The following NXPE4 variants were observed in gnomAD, a reference collection of about 807,000 sequenced individuals.
NXPE4 encodes neurexophilin and PC-esterase domain family member 4.
NXPE4 carries 42 observed loss-of-function variants against 33.3 expected under a neutral mutation model. The observed-to-expected ratio is 1.26, with a 90% CI of 0.98 to 1.63. NXPE4 has a LOEUF of 1.63. Among genes scored for constraint, NXPE4 ranks in the 40% most tolerant of loss-of-function variants. The pLI is 0.00. For missense variants in NXPE4, 709 were observed against 647.6 expected (o/e 1.09, Z -1.03); for synonymous variants, 253 against 234.9 (o/e 1.08, Z -0.71).
the NXPE4 span, among the ~76,000 whole-genome samples, chr11:114,635,655 T>G: frequency 3.9e-5 from 6 of 152,052 alleles, no homozygotes; most frequent in East Asian, 1.2e-3. Context: ...ACCTAATTTA[T>G]TGAGAGTTTT....
At chr11:114,611,666 C>A in the NXPE4 span, among the ~76,000 whole-genome samples, 42 of 134,206 alleles carry the variant, frequency 3.1e-4, no homozygotes, top group East Asian at 5.1e-3. Context: ...GTGGATAATA[C>A]GTGTTGCCTC....
At chr11:114,578,587 C>T (rs1949066948) in intron 5 of NXPE4, among the ~76,000 whole-genome samples, 1 of 152,144 alleles carries the variant, frequency 6.6e-6, no homozygotes, top group Admixed American at 6.5e-5. Flanking sequence ...TACCAATTTT[C>T]CCACTTTCAT....
the NXPE4 span, among the ~76,000 whole-genome samples, chr11:114,602,332 A>G: frequency 7.2e-4 from 88 of 122,068 alleles, no homozygotes; most frequent in Admixed American, 2.0e-3. Flanking sequence ...TACTATATAT[A>G]TGTTATCTAT....
the NXPE4 span, among the ~76,000 whole-genome samples, chr11:114,648,621 G>A: frequency 6.6e-6 from 1 of 152,092 alleles, no homozygotes; most frequent in African/African-American, 2.4e-5. Flanking sequence ...TAATCATCGT[G>A]TCTACACTTG....
intron 4 of NXPE4, among the ~76,000 whole-genome samples, chr11:114,581,409 G>A (rs1331831842): frequency 6.6e-6 from 1 of 152,134 alleles, no homozygotes; most frequent in African/African-American, 2.4e-5. Flanking sequence ...GAAGAGAGGT[G>A]TTGTGGTGAG....
chr11:114,632,394 T>A, the NXPE4 span, among the ~76,000 whole-genome samples: 1 of 132,932 alleles, frequency 7.5e-6, no homozygotes, highest in Non-Finnish European at 1.5e-5. Context: ...GATATAAATA[T>A]AAATATACAT....
chr11:114,580,888 A>C (rs1949129796), intron 4 of NXPE4, among the ~76,000 whole-genome samples: 2 of 152,210 alleles, frequency 1.3e-5, no homozygotes, highest in African/African-American at 2.4e-5. Flanking sequence ...CCCCTCAGTC[A>C]CTGGTTTAGA....
chr11:114,571,239 T>C lies in NXPE4; in HGVS notation c.1334A>G (p.Asp445Gly), dbSNP rs202233557. 1.2e-6 allele frequency: 2 copies of C among 1,614,022 alleles called. No individual in the cohort carries two copies. Among genetic ancestry groups the C allele is most frequent in the East Asian group, 2.2e-5 (1 of 44,882 alleles). ...LGQHFRPFPI[D>G]VFIRRALNVH... Reference sequence around the variant, plus strand: ...ATTGAGGGCCCTTCGGATAAAAACATCAATGGGAAAGGGTCTGAAATGCTG... The same window carrying C: ...ATTGAGGGCCCTTCGGATAAAAACACCAATGGGAAAGGGTCTGAAATGCTG... The change falls in exon 6 of 6, where the codon GAT becomes GGT. Residue 445 changes from aspartate to glycine, a missense_variant. Coordinates refer to ENST00000375478, the MANE Select transcript of NXPE4 (RefSeq NM_001077639.2).
intron 4 of NXPE4, 134 bp from the exon 5 acceptor site, chr11:114,580,472 G>A (rs999799336): frequency 1.5e-6 from 1 of 685,548 alleles, no homozygotes; most frequent in East Asian, 2.7e-5. Context: ...TATTACTGAA[G>A]TATTCTCTTA....
chr11:114,651,418 C>T, the NXPE4 span, among the ~76,000 whole-genome samples: 2 of 152,060 alleles, frequency 1.3e-5, no homozygotes, highest in African/African-American at 2.4e-5. Flanking sequence ...AAGCTGCAAA[C>T]GTTTGCGGTG....
intron 2 of NXPE4, among the ~76,000 whole-genome samples, chr11:114,587,355 G>A (rs1054881801): frequency 6.6e-6 from 1 of 152,284 alleles, no homozygotes; most frequent in South Asian, 2.1e-4. Context: ...CAGAGCCACT[G>A]CCTAAGAATA....
At chr11:114,656,154 A>T in the NXPE4 span, among the ~76,000 whole-genome samples, 1 of 152,162 alleles carries the variant, frequency 6.6e-6, no homozygotes, top group African/African-American at 2.4e-5. Context: ...CAGAGAGCCA[A>T]ATCATGAATG....
chr11:114,598,076 G>C (rs1460577806), upstream of NXPE4, among the ~76,000 whole-genome samples: 2 of 151,968 alleles, frequency 1.3e-5, no homozygotes, highest in African/African-American at 4.8e-5. Context: ...ATAGGCATTG[G>C]GTAAATGTAA....
chr11:114,632,494 A>G, the NXPE4 span, among the ~76,000 whole-genome samples: 1 of 125,318 alleles, frequency 8.0e-6, no homozygotes, highest in Non-Finnish European at 1.6e-5. Context: ...TCCATAATAT[A>G]TATTATAGTA....
chr11:114,613,550 C>A, the NXPE4 span, among the ~76,000 whole-genome samples: 1 of 141,696 alleles, frequency 7.1e-6, no homozygotes, highest in Non-Finnish European at 1.6e-5. Flanking sequence ...ACCTGCTGCA[C>A]AATAAGTGTT....
At chr11:114,676,147 T>C in the NXPE4 span, among the ~76,000 whole-genome samples, 2 of 151,904 alleles carry the variant, frequency 1.3e-5, no homozygotes, top group African/African-American at 4.8e-5. Context: ...ACTGTAAAAC[T>C]GCTAGAAGAA....
the NXPE4 span, among the ~76,000 whole-genome samples, chr11:114,628,061 G>A: frequency 2.6e-4 from 39 of 149,704 alleles, no homozygotes; most frequent in South Asian, 5.4e-3. Flanking sequence ...ACTCCCACAC[G>A]TTAATAATGG....
chr11:114,619,069 A>T, the NXPE4 span, among the ~76,000 whole-genome samples: 9 of 151,902 alleles, frequency 5.9e-5, no homozygotes, highest in Admixed American at 5.3e-4. Context: ...CCTGGTGGAT[A>T]ATAAGTATTG....
chr11:114,656,376 TG>T, the NXPE4 span, among the ~76,000 whole-genome samples: 2 of 152,138 alleles, frequency 1.3e-5, no homozygotes, highest in African/African-American at 4.8e-5. Context: ...ATAGATTCAG[TG>T]CTATTCCCAT....
Sources: gnomAD v4.1 joint callset for allele counts (sites outside exome capture counted in the v4.1 genomes callset) on GRCh38, gnomAD v4.1.1 for gene constraint, MANE v1.5 for transcripts, NCBI Gene and HGNC (gene_info 2026-07-23, HGNC 2026-07-21) for gene names.